B3GNT9: variants seen among roughly 807,000 people sequenced by gnomAD.
B3GNT9 encodes the protein UDP-GlcNAc:betaGal beta-1,3-N-acetylglucosaminyltransferase 9.
For missense variants in B3GNT9, 669 were observed against 599.2 expected (o/e 1.12, Z -1.22); for synonymous variants, 359 against 283.9 (o/e 1.26, Z -2.66).
rs1433702087 is a variant in B3GNT9 at position 67,148,952 on chromosome 16, G to T, written c.*325C>A. On this transcript the variant is annotated 3_prime_UTR_variant, in exon 2 of 2. Coordinates refer to ENST00000449549, the MANE Select transcript of B3GNT9 (RefSeq NM_033309.3). The stretch of plus-strand genomic sequence containing the variant: ...TAGGGGGTTCCAAATCCAGCAGAGT[G>T]GTAGGATTCCCTAAGTCCCTGCCAC... The T allele has an allele frequency of 3.9e-6, 1 of 257,090 alleles. No homozygotes were observed. Among genetic ancestry groups the T allele is most frequent in the Non-Finnish European group, 7.1e-6 (1 of 140,360 alleles). The allele number at this position is 257,090 out of a possible 1,614,324, so 15.9% of individuals were successfully genotyped here. A position where few individuals can be genotyped will look rare whatever the true frequency, so the allele number is the denominator to read the frequency against.
chr16:67,149,682 A>T lies in B3GNT9; in HGVS notation c.804T>A (p.Ala268=), dbSNP rs1409361455. Residue 268 remains alanine (A), a synonymous_variant, in exon 2 of 2, where the codon GCT becomes GCA. Coordinates refer to ENST00000449549, the MANE Select transcript of B3GNT9 (RefSeq NM_033309.3). ...IVHARPIRTR[A]SKYYIPEAVY... ...CGGCCTCGGGGATGTAGTACTTGCT[A>T]GCCCGCGTGCGGATGGGCCGCGCAT... 4 of 1,610,758 alleles carry T rather than the reference A, an allele frequency of 2.5e-6. No homozygotes were observed. The highest frequency in any genetic ancestry group is 4.5e-5 in the East Asian group (2 of 44,794).
In B3GNT9 at chr16:67,149,243, G is replaced by T; in HGVS notation, c.*34C>A. 3 of 1,509,132 alleles carry T rather than the reference G, an allele frequency of 2.0e-6. No homozygotes were observed. The highest frequency in any genetic ancestry group is 1.8e-6 in the Non-Finnish European group (2 of 1,130,308). The allele number at this position is 1,509,132 out of a possible 1,614,324, so 93.5% of individuals were successfully genotyped here. A position where few individuals can be genotyped will look rare whatever the true frequency, so the allele number is the denominator to read the frequency against. Reference sequence around the variant, plus strand: ...ATCTGGGAAACCGGCTCCATTCTGGGTCTGAGTTAGGAGCTTGGGGCTGTA... The same window carrying T: ...ATCTGGGAAACCGGCTCCATTCTGGTTCTGAGTTAGGAGCTTGGGGCTGTA... On this transcript the variant is annotated 3_prime_UTR_variant, in exon 2 of 2. Transcript: ENST00000449549.
In B3GNT9 at chr16:67,148,950, G is replaced by GT. The variant is rs1294679585; in HGVS notation, c.*326dup. 2 of 253,344 alleles carry GT rather than the reference G, an allele frequency of 7.9e-6. No individual in the cohort carries two copies. Among genetic ancestry groups the GT allele is most frequent in the Non-Finnish European group, 1.5e-5 (2 of 137,700 alleles). 15.7% of individuals were successfully genotyped at this position (253,344 alleles called of 1,614,324 possible). A position where few individuals can be genotyped will look rare whatever the true frequency, so the allele number is the denominator to read the frequency against. The stretch of plus-strand genomic sequence containing the variant: ...CCTAGGGGGTTCCAAATCCAGCAGA[G>GT]TGGTAGGATTCCCTAAGTCCCTGCC... On this transcript the variant is annotated 3_prime_UTR_variant, in exon 2 of 2. Transcript: ENST00000449549.
In B3GNT9 at chr16:67,149,410, C is replaced by T; in HGVS notation, c.1076G>A (p.Arg359His). The T allele has an allele frequency of 1.2e-6, 2 of 1,604,032 alleles. No homozygotes were observed. Among genetic ancestry groups the T allele is most frequent in the Non-Finnish European group, 1.7e-6 (2 of 1,175,298 alleles). Residue 359 changes from arginine to histidine, a missense_variant, in exon 2 of 2, where the codon CGT becomes CAT. Physicochemically the swap from Arg to His is conservative, Grantham distance 29. Transcript: ENST00000449549. ...HLSTFDPCFY[R>H]ELVVVHGLSA... ...GAGCCCGTGCACTACAACCAGCTCACGGTAAAAGCAGGGGTCGAAGGTGCT... is the reference window on the plus strand; with the variant it reads ...GAGCCCGTGCACTACAACCAGCTCATGGTAAAAGCAGGGGTCGAAGGTGCT...
In B3GNT9 at chr16:67,150,567, A is replaced by C; in HGVS notation, c.-82T>G. The C allele has an allele frequency of 8.7e-7, 1 of 1,154,416 alleles. No homozygotes were observed. The highest frequency in any genetic ancestry group is 4.0e-5 in the South Asian group (1 of 24,864). The allele number at this position is 1,154,416 out of a possible 1,614,324, so 71.5% of individuals were successfully genotyped here. A position where few individuals can be genotyped will look rare whatever the true frequency, so the allele number is the denominator to read the frequency against. ...CAGCGAGCCCCGCCCTCCCCAGCTG[A>C]GGGGGCGGGAGGCCACGCCCCGGGG... On this transcript the variant is annotated 5_prime_UTR_variant, in exon 2 of 2. Coordinates refer to ENST00000449549, the MANE Select transcript of B3GNT9 (RefSeq NM_033309.3).
chr16:67,150,428 A>G lies in B3GNT9; in HGVS notation c.58T>C (p.Ser20Pro), dbSNP rs1232529413. The G allele has an allele frequency of 1.5e-6, 2 of 1,356,548 alleles. No individual in the cohort carries two copies. Among genetic ancestry groups the G allele is most frequent in the South Asian group, 2.0e-5 (1 of 50,936 alleles). The allele number at this position is 1,356,548 out of a possible 1,614,324, so 84.0% of individuals were successfully genotyped here. Residue 20 changes from serine (S) to proline (P), a missense_variant, in exon 2 of 2, where the codon TCC becomes CCC. Transcript: ENST00000449549. Reference protein sequence around the residue: ...DALLTLLLGASLGLLLYAQRD... With the variant: ...DALLTLLLGAPLGLLLYAQRD... ...TGCGCATAGAGTAAGAGGCCCAGGGAGGCGCCAAGGAGCAGCGTGAGCAAT... is the reference window on the plus strand; with the variant it reads ...TGCGCATAGAGTAAGAGGCCCAGGGGGGCGCCAAGGAGCAGCGTGAGCAAT...
Position 67,149,145 on chromosome 16 carries a change from T to G in B3GNT9, c.*132A>C. 1 of 1,423,008 alleles carries G rather than the reference T, an allele frequency of 7.0e-7. No individual in the cohort carries two copies. The highest frequency in any genetic ancestry group is 2.6e-5 in the East Asian group (1 of 38,300). 88.1% of individuals were successfully genotyped at this position (1,423,008 alleles called of 1,614,324 possible). On this transcript the variant is annotated 3_prime_UTR_variant, in exon 2 of 2. Coordinates refer to ENST00000449549, the MANE Select transcript of B3GNT9 (RefSeq NM_033309.3). ...CAGGGTGGACCGCCAGGAGCCAAGC[T>G]TAACCCCCATCCCCTGGGATCCTGT...
Position 67,150,079 on chromosome 16 carries a change from C to T in B3GNT9, c.407G>A (p.Arg136His), listed in dbSNP as rs1472774799. 6 of 1,465,080 alleles carry T rather than the reference C, an allele frequency of 4.1e-6. No individual in the cohort carries two copies. Among genetic ancestry groups the T allele is most frequent in the Non-Finnish European group, 5.4e-6 (6 of 1,111,532 alleles). The allele number at this position is 1,465,080 out of a possible 1,614,324, so 90.8% of individuals were successfully genotyped here. A position where few individuals can be genotyped will look rare whatever the true frequency, so the allele number is the denominator to read the frequency against. ...GCGACCCTCCGCGCCCCACGTCTGG[C>T]GCACGGCTTGGCGCCGCTCGAAGTC... is the stretch of plus-strand genomic sequence containing the variant. ...AEDFERRQAV[R>H]QTWGAEGRVQ... The change falls in exon 2 of 2, where the codon CGC (arginine) becomes CAC (histidine). Residue 136 changes from arginine to histidine, a missense_variant. Physicochemically the swap from Arg to His is conservative, Grantham distance 29 (BLOSUM62 0). Coordinates refer to ENST00000449549, the MANE Select transcript of B3GNT9 (RefSeq NM_033309.3).
Position 67,150,063 on chromosome 16 carries a change from C to T in B3GNT9, c.423G>A (p.Ala141=). ...CCAGCGCCCCCTGCACGCGACCCTC[C>T]GCGCCCCACGTCTGGCGCACGGCTT... ...RRQAVRQTWG[A]EGRVQGALVR... The change falls in exon 2 of 2, where the codon GCG becomes GCA. Residue 141 remains alanine (A), a synonymous_variant. Transcript: ENST00000449549. 6.8e-7 allele frequency: 1 copy of T among 1,477,688 alleles called. No individual in the cohort carries two copies. The highest frequency in any genetic ancestry group is 9.0e-7 in the Non-Finnish European group (1 of 1,117,074). 91.5% of individuals were successfully genotyped at this position (1,477,688 alleles called of 1,614,324 possible). A position where few individuals can be genotyped will look rare whatever the true frequency, so the allele number is the denominator to read the frequency against.
chr16:67,149,034 G>A lies in B3GNT9; in HGVS notation c.*243C>T, dbSNP rs1199965738. 5 of 684,034 alleles carry A rather than the reference G, an allele frequency of 7.3e-6. No individual in the cohort carries two copies. Among genetic ancestry groups the A allele is most frequent in the Non-Finnish European group, 1.1e-5 (5 of 462,174 alleles). 42.4% of individuals were successfully genotyped at this position (684,034 alleles called of 1,614,324 possible). ...GGACCAGACATATCCACTGCTCTGG[G>A]ACCTGTTGGACAAGAGATGGTCATC... On this transcript the variant is annotated 3_prime_UTR_variant, in exon 2 of 2. Coordinates refer to ENST00000449549, the MANE Select transcript of B3GNT9 (RefSeq NM_033309.3).
In B3GNT9 at chr16:67,149,500, G is replaced by C; in HGVS notation, c.986C>G (p.Thr329Arg). The change falls in exon 2 of 2, where the codon ACG (threonine) becomes AGG (arginine). Residue 329 changes from threonine (T) to arginine (R), a missense_variant. By Grantham distance (71) the Thr-to-Arg change is moderately conservative. Transcript: ENST00000449549. Reference protein sequence around the residue: ...LGMCLQRLRLTPEPHPAFRTF... With the variant: ...LGMCLQRLRLRPEPHPAFRTF... ...GCGGAAGGCAGGGTGAGGCTCGGGC[G>C]TGAGCCGCAGGCGCTGCAGACACAT... The C allele has an allele frequency of 6.2e-7, 1 of 1,607,916 alleles. No individual in the cohort carries two copies. The highest frequency in any genetic ancestry group is 8.5e-7 in the Non-Finnish European group (1 of 1,177,594).
rs1567659100 is a variant in B3GNT9 at position 67,148,570 on chromosome 16, G to A, written c.*707C>T. On this transcript the variant is annotated 3_prime_UTR_variant, in exon 2 of 2. Transcript: ENST00000449549. Reference sequence around the variant, plus strand: ...GTGTGGGTATTGGTTTTTTGAGCAAGGGGGTGGTTGAAGCATATGGGGAAA... The same window carrying A: ...GTGTGGGTATTGGTTTTTTGAGCAAAGGGGTGGTTGAAGCATATGGGGAAA... 1 of 152,328 alleles carries A rather than the reference G, an allele frequency of 6.6e-6. No individual in the cohort carries two copies. Among genetic ancestry groups the A allele is most frequent in the Non-Finnish European group, 1.5e-5 (1 of 68,104 alleles). The allele number at this position is 152,328 out of a possible 1,614,324, so 9.4% of individuals were successfully genotyped here.
Position 67,150,671 on chromosome 16 carries a change from C to G in B3GNT9, c.-186G>C, listed in dbSNP as rs2030448450. The G allele has an allele frequency of 6.8e-6, 3 of 439,472 alleles. No individual in the cohort carries two copies. The East Asian group carries it at 1.1e-4, about 16-fold the overall frequency. The allele number at this position is 439,472 out of a possible 1,614,324, so 27.2% of individuals were successfully genotyped here. A position where few individuals can be genotyped will look rare whatever the true frequency, so the allele number is the denominator to read the frequency against. ...CGTGTCGCACCGCCGGGACCGGCAG[C>G]CTGAAGGGACAAGAAGTTCACCCAT... On this transcript the variant is annotated splice_region_variant and 5_prime_UTR_variant, in exon 2 of 2. Coordinates refer to ENST00000449549, the MANE Select transcript of B3GNT9 (RefSeq NM_033309.3).
rs904764888 is a variant in B3GNT9 at position 67,150,216 on chromosome 16, G to A, written c.270C>T (p.Ala90=). The change falls in exon 2 of 2, where the codon GCC becomes GCT. Residue 90 remains alanine (A), a synonymous_variant. Transcript: ENST00000449549. ...GPFDFARYLR[A]KDQRRFPLLI... ...GCAGTGGAAACCGCCGCTGGTCCTT[G>A]GCGCGCAAATAGCGGGCGAAGTCAA... 6.4e-7 allele frequency: 1 copy of A among 1,553,040 alleles called. No homozygotes were observed. The highest frequency in any genetic ancestry group is 2.0e-5 in the Admixed American group (1 of 50,932).
Position 67,149,324 on chromosome 16 carries a change from C to A in B3GNT9, c.1162G>T (p.Ala388Ser). ...LLHGPHGPAC[A>S]HPQPVAAGPF... ...CCTGCAGCGACAGGCTGTGGATGCG[C>A]ACAGGCTGGCCCATGCGGCCCGTGC... is the stretch of plus-strand genomic sequence containing the variant. The change falls in exon 2 of 2, where the codon GCG becomes TCG. Residue 388 changes from alanine (A) to serine (S), a missense_variant. Coordinates refer to ENST00000449549, the MANE Select transcript of B3GNT9 (RefSeq NM_033309.3). 1 of 1,589,336 alleles carries A rather than the reference C, an allele frequency of 6.3e-7. No individual in the cohort carries two copies.
rs2030345320 is a variant in B3GNT9 at position 67,149,153 on chromosome 16, C to A, written c.*124G>T. On this transcript the variant is annotated 3_prime_UTR_variant, in exon 2 of 2. Transcript: ENST00000449549. ...ACCGCCAGGAGCCAAGCTTAACCCCCATCCCCTGGGATCCTGTGGAGACAG... is the reference window on the plus strand; with the variant it reads ...ACCGCCAGGAGCCAAGCTTAACCCCAATCCCCTGGGATCCTGTGGAGACAG... The A allele has an allele frequency of 7.7e-6, 11 of 1,427,990 alleles. No individual in the cohort carries two copies. The East Asian group carries it at 1.0e-4, about 13-fold the overall frequency. The allele number at this position is 1,427,990 out of a possible 1,614,324, so 88.5% of individuals were successfully genotyped here.
rs766082646 is a variant in B3GNT9, at chr16:67,149,649, G to T, written c.837C>A (p.Gly279=). 3.1e-6 allele frequency: 5 copies of T among 1,601,958 alleles called. No individual in the cohort carries two copies. The highest frequency in any genetic ancestry group is 2.2e-5 in the South Asian group (2 of 89,952). ...CCGCGTAGGCCGGATAGGCGGGCAG[G>T]CCGTACACGGCCTCGGGGATGTAGT... is the stretch of plus-strand genomic sequence containing the variant. ...SKYYIPEAVY[G]LPAYPAYAGG... Residue 279 remains glycine (G), a synonymous_variant, in exon 2 of 2, where the codon GGC becomes GGA. Coordinates refer to ENST00000449549, the MANE Select transcript of B3GNT9 (RefSeq NM_033309.3).
chr16:67,149,991 G>C lies in B3GNT9; in HGVS notation c.495C>G (p.Gly165=). ...LLGVPRGAGS[G]GADEVGEGAR... ...CGCCCTCCCCAACTTCGTCGGCCCC[G>C]CCCGAGCCTGCGCCCCTGGGCACGC... The change falls in exon 2 of 2, where the codon GGC becomes GGG. Residue 165 remains glycine, a synonymous_variant. Transcript: ENST00000449549. The C allele has an allele frequency of 6.5e-7, 1 of 1,534,724 alleles. No homozygotes were observed. Among genetic ancestry groups the C allele is most frequent in the Non-Finnish European group, 8.8e-7 (1 of 1,139,492 alleles).
In B3GNT9 at chr16:67,149,822, C is replaced by G; in HGVS notation, c.664G>C (p.Val222Leu). The G allele has an allele frequency of 6.2e-7, 1 of 1,613,860 alleles. No individual in the cohort carries two copies. The highest frequency in any genetic ancestry group is 1.1e-5 in the South Asian group (1 of 91,060). The stretch of plus-strand genomic sequence containing the variant: ...GCGTCGCCCTTAAAAACGAAGCGCA[C>G]GTCGGGGCAGAAAGCTGAGGCCCAG... ...LAWASAFCPD[V>L]RFVFKGDADV... The change falls in exon 2 of 2, where the codon GTG (valine) becomes CTG (leucine). Residue 222 changes from valine (V) to leucine (L), a missense_variant. Coordinates refer to ENST00000449549, the MANE Select transcript of B3GNT9 (RefSeq NM_033309.3).
Sources: gnomAD v4.1 joint callset for allele counts on GRCh38, gnomAD v4.1.1 for gene constraint, MANE v1.5 for transcripts, NCBI Gene and HGNC (gene_info 2026-07-23, HGNC 2026-07-21) for gene names.